The following FBP2 variants were observed in gnomAD, a reference collection of about 807,000 sequenced individuals.
FBP2 encodes the protein fructose-1,6-bisphosphatase isozyme 2.
FBP2 carries 27 observed loss-of-function variants against 31.6 expected under a neutral mutation model. That is an observed-to-expected ratio of 0.85 (90% confidence interval 0.63 to 1.18). The LOEUF (loss-of-function observed/expected upper bound fraction) is 1.18. FBP2 is among the 50% of genes most tolerant of loss of function. FBP2 has a pLI of 0.00. For synonymous variants in FBP2, 168 were observed against 179.8 expected, an observed-to-expected ratio of 0.93 and a Z score of 0.53; for missense variants, 421 against 436.1, an observed-to-expected ratio of 0.97 and a Z score of 0.31.
chr9:94,571,458 C>T lies in FBP2; in HGVS notation c.567+4G>A, dbSNP rs1161862217. The stretch of plus-strand genomic sequence containing the variant: ...GCACAGATGATGCCATATTCTGTAC[C>T]TACCGGGTCAAGCATGAAGAGGTCC... On this transcript the variant is annotated splice_donor_region_variant and intron_variant, in intron 4 of 6. Transcript: ENST00000375337. 1.2e-6 allele frequency: 2 copies of T among 1,608,650 alleles called. No individual in the cohort carries two copies. The highest frequency in any genetic ancestry group is 1.7e-6 in the Non-Finnish European group (2 of 1,177,564).
chr9:94,581,909 G>A (rs942076651), intron 3 of FBP2, among the ~76,000 whole-genome samples: 2 of 151,548 alleles, frequency 1.3e-5, no homozygotes, highest in Non-Finnish European at 2.9e-5. Flanking sequence ...AATTAGAAAC[G>A]GGACCTAAGG....
At chr9:94,583,016 G>C (rs1297632717) in intron 3 of FBP2, among the ~76,000 whole-genome samples, 1 of 151,680 alleles carries the variant, frequency 6.6e-6, no homozygotes, top group East Asian at 1.9e-4. Context: ...ACTATGCCCA[G>C]CTAATTTTTG....
Position 94,575,974 on chromosome 9 carries a change from A to C in FBP2, c.427-4372T>G, listed in dbSNP as rs190143529. On this transcript the variant is annotated intron_variant, in intron 3 of 6. Coordinates refer to ENST00000375337, the MANE Select transcript of FBP2 (RefSeq NM_003837.4). ...TAGCTATAAAATAGCTCCCTTTCTC[A>C]CCATATATACTCCCTGCACATTTAG... Among the ~76,000 whole-genome samples the C allele has an allele frequency of 4.2e-4, 64 of 152,198 alleles. 2 individuals are homozygous for C. Among genetic ancestry groups the C allele is most frequent in the Admixed American group, 3.7e-3 (56 of 15,274 alleles).
chr9:94,586,311 G>A (rs1827427429), intron 2 of FBP2, among the ~76,000 whole-genome samples: 1 of 152,136 alleles, frequency 6.6e-6, no homozygotes, highest in African/African-American at 2.4e-5. Context: ...GGAGGCAGAG[G>A]TTACAGTGAG....
intron 1 of FBP2, among the ~76,000 whole-genome samples, chr9:94,592,267 C>T (rs1279156349): frequency 1.3e-5 from 2 of 152,202 alleles, no homozygotes. Context: ...GATAATGCAC[C>T]GTTAACCTGG....
At chr9:94,592,994 T>C (rs1399245349) in intron 1 of FBP2, among the ~76,000 whole-genome samples, 1 of 152,130 alleles carries the variant, frequency 6.6e-6, no homozygotes, top group Non-Finnish European at 1.5e-5. Context: ...CCCGGCTTCC[T>C]GCACACCAAG....
At chr9:94,564,809 A>C (rs188770798) in intron 5 of FBP2, among the ~76,000 whole-genome samples, 29 of 152,286 alleles carry the variant, frequency 1.9e-4, no homozygotes, top group Non-Finnish European at 1.0e-4. Flanking sequence ...CCTGAATCTA[A>C]AATAAAAGTG....
chr9:94,589,020 G>A (rs912110169), intron 1 of FBP2, among the ~76,000 whole-genome samples: 3 of 152,208 alleles, frequency 2.0e-5, no homozygotes, highest in East Asian at 1.9e-4. Context: ...TTCTCTGGCC[G>A]TCTGTTTGGA....
In FBP2 at chr9:94,587,287, AC is replaced by A; in HGVS notation, c.333+19del. ...TATCATCATCTACTGGCGAGCGGGCACCGCAGCCCCATGACGCACCCGCTTC... is the reference window on the plus strand; with the variant it reads ...TATCATCATCTACTGGCGAGCGGGCACGCAGCCCCATGACGCACCCGCTTC... On this transcript the variant is annotated intron_variant, in intron 2 of 6. Transcript: ENST00000375337. 1 of 1,588,060 alleles carries A rather than the reference AC, an allele frequency of 6.3e-7. No individual in the cohort carries two copies. The highest frequency in any genetic ancestry group is 1.2e-5 in the South Asian group (1 of 86,510).
At chr9:94,571,257 A>G (rs1827265452) in intron 4 of FBP2, among the ~76,000 whole-genome samples, 2 of 151,084 alleles carry the variant, frequency 1.3e-5, no homozygotes, top group African/African-American at 4.9e-5. Flanking sequence ...TCTGCAGGAC[A>G]CTCCTCCCCC....
intron 3 of FBP2, among the ~76,000 whole-genome samples, 161 bp downstream of exon 3, chr9:94,584,416 T>A (rs1199672362): frequency 6.6e-6 from 1 of 152,212 alleles, no homozygotes; most frequent in Non-Finnish European, 1.5e-5. Context: ...GTTCTTCTAA[T>A]GAGGAGCCCC....
At chr9:94,589,166 C>T (rs1827463519) in intron 1 of FBP2, among the ~76,000 whole-genome samples, 1 of 152,070 alleles carries the variant, frequency 6.6e-6, no homozygotes, top group Non-Finnish European at 1.5e-5. Flanking sequence ...AAGCCGTATC[C>T]TTCATGTGTC....
chr9:94,573,094 C>T (rs974856025), intron 3 of FBP2: 2 of 152,174 alleles, frequency 1.3e-5, no homozygotes, highest in Non-Finnish European at 2.9e-5. Flanking sequence ...CTGGCTACAA[C>T]TTTCAGGATT....
At chr9:94,582,460 AC>A (rs1458168533) in intron 3 of FBP2, among the ~76,000 whole-genome samples, 2 of 151,254 alleles carry the variant, frequency 1.3e-5, no homozygotes, top group Non-Finnish European at 2.9e-5. Context: ...ATCTCAACTC[AC>A]TATAACTTCC....
At chr9:94,564,026 C>A (rs1046195122) in intron 5 of FBP2, among the ~76,000 whole-genome samples, 1 of 152,116 alleles carries the variant, frequency 6.6e-6, no homozygotes, top group Non-Finnish European at 1.5e-5. Context: ...TTAGACACCC[C>A]CCCACAATAA....
rs139433516 is a variant in FBP2, at chr9:94,590,541, G to A, written c.170+3016C>T. Among the ~76,000 whole-genome samples, 752 of 152,276 alleles carry A rather than the reference G, an allele frequency of 4.9e-3. 5 individuals carry two copies. The highest frequency in any genetic ancestry group is 0.017 in the African/African-American group (725 of 41,546). The stretch of plus-strand genomic sequence containing the variant: ...GCGGACCCTCGCGGTGAGTGTTACA[G>A]CTCTTAAGGTGGCGCATCTGGAGTT... On this transcript the variant is annotated intron_variant, in intron 1 of 6. Transcript: ENST00000375337.
chr9:94,567,517 G>C, intron 4 of FBP2, 110 bp from the exon 5 acceptor site: 1 of 1,348,916 alleles, frequency 7.4e-7, no homozygotes, highest in East Asian at 2.3e-5. Flanking sequence ...GGCAGAGCTG[G>C]GGCTTGGCTG....
chr9:94,571,040 A>G (rs1320135033), intron 4 of FBP2: 1 of 156,216 alleles, frequency 6.4e-6, no homozygotes, highest in Non-Finnish European at 1.4e-5. Flanking sequence ...AAAGCATTTC[A>G]CAATTGATGG....
In FBP2 at chr9:94,561,448, C is replaced by T. The variant is rs568103485; in HGVS notation, c.825+1894G>A. On this transcript the variant is annotated intron_variant, in intron 6 of 6. Coordinates refer to ENST00000375337, the MANE Select transcript of FBP2 (RefSeq NM_003837.4). ...CGCGATCTCGGCTCACTGCAAGCTCCGCCTCCCAGGTTCACGCCATTCTCC... is the reference window on the plus strand; with the variant it reads ...CGCGATCTCGGCTCACTGCAAGCTCTGCCTCCCAGGTTCACGCCATTCTCC... Among the ~76,000 whole-genome samples the T allele has an allele frequency of 2.7e-4, 40 of 145,822 alleles. No homozygotes were observed. The Middle Eastern group carries it at 0.012, about 43-fold the overall frequency.
Sources: allele counts gnomAD v4.1 joint callset (sites outside exome capture counted in the v4.1 genomes callset), GRCh38; gene constraint gnomAD v4.1.1; transcripts MANE v1.5; gene names NCBI Gene and HGNC (gene_info 2026-07-23, HGNC 2026-07-21).